ARRB1: variants seen among roughly 807,000 people sequenced by gnomAD.
ARRB1 encodes beta-arrestin-1.
Under a neutral mutation model 56.8 loss-of-function variants are expected in ARRB1, and 21 were observed. The observed-to-expected ratio is 0.37, with a 90% CI of 0.26 to 0.53. ARRB1 has a LOEUF of 0.53. Among genes scored for constraint, ARRB1 ranks in the 20% least tolerant of loss-of-function variants. ARRB1 has a pLI of 0.88. For missense variants in ARRB1, 424 were observed against 553.7 expected, an observed-to-expected ratio of 0.77 and a Z score of 2.35; for synonymous variants, 210 against 218.6, an observed-to-expected ratio of 0.96 and a Z score of 0.35.
intron 1 of ARRB1, among the ~76,000 whole-genome samples, chr11:75,294,210 T>G (rs1946672978): frequency 6.6e-6 from 1 of 152,106 alleles, no homozygotes; most frequent in South Asian, 2.1e-4. Flanking sequence ...GAGTAATGTT[T>G]TCCAAACAGG....
At chr11:75,276,977 G>T (rs369532753) in intron 9 of ARRB1, 66 bp from the exon 10 acceptor site, 2 of 1,522,620 alleles carry the variant, frequency 1.3e-6, no homozygotes, top group Admixed American at 1.7e-5. Flanking sequence ...TCTCACAGGC[G>T]TCCCCGGGTT....
chr11:75,275,683 G>C (rs1387494199), intron 10 of ARRB1, among the ~76,000 whole-genome samples: 1 of 152,164 alleles, frequency 6.6e-6, no homozygotes, highest in Non-Finnish European at 1.5e-5. Context: ...GGAGTCGGAC[G>C]ACCGTGTTCC....
intron 1 of ARRB1, among the ~76,000 whole-genome samples, chr11:75,334,237 G>C (rs943931496): frequency 6.9e-6 from 1 of 144,356 alleles, no homozygotes; most frequent in African/African-American, 2.6e-5. Flanking sequence ...CAGGAGAGTT[G>C]CTTGAACCCG....
rs1213341017 is a variant in ARRB1, at chr11:75,263,397, G to T, written c.*2766C>A. ...CTGCAGCGTATGGCCGTGCAGCAGG[G>T]CACCTCTGGCCAAGGGGCAAGGGGT... On this transcript the variant is annotated 3_prime_UTR_variant, in exon 16 of 16. Coordinates refer to ENST00000420843, the MANE Select transcript of ARRB1 (RefSeq NM_004041.5). Among the ~76,000 whole-genome samples the T allele has an allele frequency of 1.3e-5, 2 of 152,240 alleles. No individual in the cohort carries two copies. The highest frequency in any genetic ancestry group is 1.3e-4 in the Admixed American group (2 of 15,286).
intron 5 of ARRB1, among the ~76,000 whole-genome samples, chr11:75,282,434 T>C (rs1946367122): frequency 6.6e-6 from 1 of 152,100 alleles, no homozygotes; most frequent in South Asian, 2.1e-4. Context: ...CAAGAGTCCT[T>C]AGAAGTGGAA....
chr11:75,300,202 C>CAGA (rs1946865818), intron 1 of ARRB1, among the ~76,000 whole-genome samples: 1 of 87,334 alleles, frequency 1.1e-5, no homozygotes, highest in Non-Finnish European at 2.5e-5. Flanking sequence ...GACTCTGTCT[C>CAGA]AAAAAAAAAA....
Position 75,267,590 on chromosome 11 carries a change from C to A in ARRB1, c.1145+62G>T, listed in dbSNP as rs1309434088. The A allele has an allele frequency of 4.7e-6, 7 of 1,482,386 alleles. 1 individual carries two copies. The highest frequency in any genetic ancestry group is 2.3e-5 in the South Asian group (2 of 85,702). The allele number at this position is 1,482,386 out of a possible 1,614,324, so 91.8% of individuals were successfully genotyped here. On this transcript the variant is annotated intron_variant, in intron 15 of 15. Transcript: ENST00000420843. Reference sequence around the variant, plus strand: ...AGTTAATAAGCATATATGCAAATGACCCCCTCCACCCCGCCCACCCGCGGC... The same window carrying A: ...AGTTAATAAGCATATATGCAAATGAACCCCTCCACCCCGCCCACCCGCGGC...
At chr11:75,268,510 C>CAAAAAAAAAAAAAA (rs61409833) in intron 14 of ARRB1, among the ~76,000 whole-genome samples, 2 of 61,430 alleles carry the variant, frequency 3.3e-5, no homozygotes, top group Non-Finnish European at 6.8e-5. Context: ...GTCTCAAAAC[C>CAAAAAAAAAAAAAA]AAAAAAAAAA....
chr11:75,267,609 C>T lies in ARRB1; in HGVS notation c.1145+43G>A, dbSNP rs1485001120. 2.1e-6 allele frequency: 3 copies of T among 1,400,890 alleles called. No homozygotes were observed. In the East Asian group the frequency reaches 7.3e-5, roughly 34 times the overall value. 86.8% of individuals were successfully genotyped at this position (1,400,890 alleles called of 1,614,324 possible). A position where few individuals can be genotyped will look rare whatever the true frequency, so the allele number is the denominator to read the frequency against. On this transcript the variant is annotated intron_variant, in intron 15 of 15. Coordinates refer to ENST00000420843, the MANE Select transcript of ARRB1 (RefSeq NM_004041.5). Reference sequence around the variant, plus strand: ...AAATGACCCCCTCCACCCCGCCCACCCGCGGCCCACCCCCGGATGTCTGCA... The same window carrying T: ...AAATGACCCCCTCCACCCCGCCCACTCGCGGCCCACCCCCGGATGTCTGCA...
intron 1 of ARRB1, among the ~76,000 whole-genome samples, chr11:75,291,148 C>T (rs1565120289): frequency 6.6e-6 from 1 of 152,050 alleles, no homozygotes; most frequent in Non-Finnish European, 1.5e-5. Context: ...ACCAGCCTAA[C>T]TAATGTGGTG....
chr11:75,299,503 C>T (rs1353268020), intron 1 of ARRB1, among the ~76,000 whole-genome samples: 2 of 151,464 alleles, frequency 1.3e-5, no homozygotes, highest in East Asian at 3.9e-4. Flanking sequence ...ACTCTGAATG[C>T]TTTGATGTAA....
At chr11:75,285,497 G>A (rs1946448941) in intron 3 of ARRB1, among the ~76,000 whole-genome samples, 1 of 152,240 alleles carries the variant, frequency 6.6e-6, no homozygotes, top group South Asian at 2.1e-4. Flanking sequence ...GCTGGTGGAA[G>A]AGGAGGGCCA....
intron 1 of ARRB1, among the ~76,000 whole-genome samples, chr11:75,315,027 G>A (rs10899086): frequency 0.22 from 33,495 of 152,126 alleles, 4,427 homozygotes; most frequent in Non-Finnish European, 0.31. Context: ...CACTCGGGAC[G>A]CCTGGGTCCC....
intron 1 of ARRB1, among the ~76,000 whole-genome samples, chr11:75,330,101 CTG>C (rs1337066509): frequency 2.6e-5 from 4 of 152,162 alleles, no homozygotes; most frequent in African/African-American, 9.7e-5. Flanking sequence ...AACGAACAAT[CTG>C]TCACTCATTT....
chr11:75,310,164 G>T (rs554879723), intron 1 of ARRB1, among the ~76,000 whole-genome samples: 1 of 152,230 alleles, frequency 6.6e-6, no homozygotes, highest in East Asian at 1.9e-4. Context: ...ATGGGGTCTC[G>T]CTCTCTCCCC....
chr11:75,329,123 T>C (rs981811254), intron 1 of ARRB1, among the ~76,000 whole-genome samples: 2 of 150,378 alleles, frequency 1.3e-5, no homozygotes, highest in African/African-American at 4.9e-5. Context: ...AGACAAGTTC[T>C]TGCTCTGTCA....
At chr11:75,266,565 C>T (rs1945919817) in intron 15 of ARRB1, among the ~76,000 whole-genome samples, 1 of 152,150 alleles carries the variant, frequency 6.6e-6, no homozygotes, top group African/African-American at 2.4e-5. Context: ...AGAAAAGTAA[C>T]CTGGTTCTTT....
intron 7 of ARRB1, among the ~76,000 whole-genome samples, chr11:75,279,667 T>G (rs756325534): frequency 2.1e-4 from 32 of 152,168 alleles, no homozygotes; most frequent in Non-Finnish European, 4.4e-4. Flanking sequence ...TTTTAAATTT[T>G]TATTAATTTA....
chr11:75,351,552 C>A, intron 1 of ARRB1, 36 bp downstream of exon 1: 2 of 1,498,520 alleles, frequency 1.3e-6, no homozygotes, highest in Admixed American at 2.1e-5. Context: ...AGGTCGCCCC[C>A]ACGCGCCCCC....
Sources: allele counts gnomAD v4.1 joint callset (sites outside exome capture counted in the v4.1 genomes callset), GRCh38; gene constraint gnomAD v4.1.1; transcripts MANE v1.5; gene names NCBI Gene and HGNC (gene_info 2026-07-23, HGNC 2026-07-21).